TRIP4: variants seen among roughly 807,000 people sequenced by gnomAD.
TRIP4 encodes thyroid hormone receptor interactor 4.
In TRIP4, 54 loss-of-function variants were observed where a neutral mutation model predicts 81.8. The ratio of observed to expected loss-of-function variants is 0.66; its 90% CI spans 0.53 to 0.83. TRIP4 has a LOEUF of 0.83. Among genes scored for constraint, TRIP4 ranks in the 40% least tolerant of loss-of-function variants. TRIP4 has a pLI of 0.00. For missense variants in TRIP4, 662 were observed against 683.6 expected (o/e 0.97, Z 0.35); for synonymous variants, 270 against 242.8 (o/e 1.11, Z -1.04).
chr15:64,448,505 C>T (rs2140315682), intron 12 of TRIP4, among the ~76,000 whole-genome samples: 1 of 152,240 alleles, frequency 6.6e-6, no homozygotes, highest in Admixed American at 6.5e-5. Flanking sequence ...ACTCTGTTAT[C>T]CAGGTTGGAG....
chr15:64,431,560 G>T (rs889398236), intron 11 of TRIP4, among the ~76,000 whole-genome samples: 1 of 151,778 alleles, frequency 6.6e-6, no homozygotes, highest in African/African-American at 2.4e-5. Flanking sequence ...AAAAAAATTA[G>T]CTGGGTGTGG....
intron 12 of TRIP4, chr15:64,450,679 GAA>G (rs1456625064): frequency 2.2e-6 from 1 of 456,024 alleles, no homozygotes; most frequent in Admixed American, 2.3e-5. Flanking sequence ...CCTAGAGGAT[GAA>G]AGAACGTCTG....
chr15:64,451,660 A>T (rs1474015081), intron 12 of TRIP4, among the ~76,000 whole-genome samples: 1 of 148,406 alleles, frequency 6.7e-6, no homozygotes, highest in Non-Finnish European at 1.5e-5. Context: ...TTTTATTTTT[A>T]TTAATTTTTT....
chr15:64,422,148 T>C (rs779311160), intron 9 of TRIP4, among the ~76,000 whole-genome samples: 1 of 152,084 alleles, frequency 6.6e-6, no homozygotes, highest in African/African-American at 2.4e-5. Flanking sequence ...TCAGGACATA[T>C]CCCCATTGTT....
intron 7 of TRIP4, 47 bp from the exon 8 acceptor site, chr15:64,414,038 G>A: frequency 1.9e-6 from 3 of 1,603,084 alleles, no homozygotes; most frequent in Non-Finnish European, 2.6e-6. Flanking sequence ...AGCATTCTGA[G>A]CATAGAACAT....
chr15:64,392,806 G>T (rs1900173242), intron 1 of TRIP4, among the ~76,000 whole-genome samples: 1 of 151,968 alleles, frequency 6.6e-6, no homozygotes, highest in Non-Finnish European at 1.5e-5. Flanking sequence ...CTAGAGACAA[G>T]GTCTCCCTAT....
chr15:64,414,968 G>A (rs1891860708), intron 8 of TRIP4, among the ~76,000 whole-genome samples: 1 of 151,948 alleles, frequency 6.6e-6, no homozygotes, highest in African/African-American at 2.4e-5. Flanking sequence ...GTGGCGTGGT[G>A]CCTGTAGTCC....
At chr15:64,400,462 C>T (rs1891468608) in intron 4 of TRIP4, among the ~76,000 whole-genome samples, 1 of 133,122 alleles carries the variant, frequency 7.5e-6, no homozygotes, top group African/African-American at 2.6e-5. Context: ...TCATAAGCCA[C>T]TGTGCCCAGC....
chr15:64,411,685 G>GTTT (rs34551967), intron 7 of TRIP4, among the ~76,000 whole-genome samples: 6 of 147,210 alleles, frequency 4.1e-5, no homozygotes, highest in Non-Finnish European at 7.5e-5. Flanking sequence ...TGTGCATACT[G>GTTT]TTTTTTTTTT....
At chr15:64,404,860 ATTGT>A (rs1302504516) in intron 5 of TRIP4, among the ~76,000 whole-genome samples, 2 of 151,116 alleles carry the variant, frequency 1.3e-5, no homozygotes, top group East Asian at 2.0e-4. Context: ...TAATTTTTAA[ATTGT>A]TTGTACAGAT....
At chr15:64,452,709 T>A (rs1205550322) in intron 12 of TRIP4, among the ~76,000 whole-genome samples, 1 of 152,240 alleles carries the variant, frequency 6.6e-6, no homozygotes, top group African/African-American at 2.4e-5. Context: ...TGTATCAGAT[T>A]GCCTCAGGAA....
At chr15:64,422,559 C>T (rs1892042632) in intron 9 of TRIP4, among the ~76,000 whole-genome samples, 1 of 152,172 alleles carries the variant, frequency 6.6e-6, no homozygotes, top group Admixed American at 6.6e-5. Context: ...CGCTTCTGCT[C>T]CAGGATGATC....
chr15:64,410,783 G>GT (rs1275942549), intron 7 of TRIP4, among the ~76,000 whole-genome samples: 1 of 152,028 alleles, frequency 6.6e-6, no homozygotes, highest in African/African-American at 2.4e-5. Flanking sequence ...ATTTTAAGTG[G>GT]TTTTAACAGT....
At chr15:64,447,841 A>G (rs898056702) in intron 12 of TRIP4, among the ~76,000 whole-genome samples, 1 of 152,192 alleles carries the variant, frequency 6.6e-6, no homozygotes, top group Non-Finnish European at 1.5e-5. Context: ...CCCCCAAAGT[A>G]GCTGGGACTA....
chr15:64,407,321 C>T (rs762603906), intron 6 of TRIP4, among the ~76,000 whole-genome samples: 1 of 152,188 alleles, frequency 6.6e-6, no homozygotes, highest in African/African-American at 2.4e-5. Context: ...CATATTCACT[C>T]TTCATCCTTT....
intron 11 of TRIP4, among the ~76,000 whole-genome samples, chr15:64,428,636 TCTCA>T (rs1892202335): frequency 6.6e-6 from 1 of 152,064 alleles, no homozygotes; most frequent in Admixed American, 6.6e-5. Flanking sequence ...TGAGACGGAG[TCTCA>T]CTCTGTTGCC....
intron 9 of TRIP4, among the ~76,000 whole-genome samples, chr15:64,421,248 C>T (rs772551949): frequency 8.6e-5 from 13 of 150,542 alleles, no homozygotes; most frequent in Non-Finnish European, 1.8e-4. Flanking sequence ...CATCATTGCA[C>T]TCCAGCCTGG....
chr15:64,429,143 C>T (rs1323942687), intron 11 of TRIP4, among the ~76,000 whole-genome samples: 2 of 151,480 alleles, frequency 1.3e-5, no homozygotes, highest in African/African-American at 2.4e-5. Flanking sequence ...GGTGAAACCC[C>T]GTCTCTACTA....
chr15:64,423,527 G>A lies in TRIP4; in HGVS notation c.1359-504G>A, dbSNP rs151002576. On this transcript the variant is annotated intron_variant, in intron 9 of 12. Coordinates refer to ENST00000261884, the MANE Select transcript of TRIP4 (RefSeq NM_016213.5). ...TTCTAATTGAAGAGTAAAGATAAGC[G>A]TTTTTATTTACTTAAATTATTTTAA... 4.9e-3 allele frequency among the ~76,000 whole-genome samples: 714 copies of A among 147,002 alleles called. 1 individual carries two copies. Among genetic ancestry groups the A allele is most frequent in the Middle Eastern group, 0.025 (7 of 278 alleles).
Sources: allele counts gnomAD v4.1 joint callset (sites outside exome capture counted in the v4.1 genomes callset), GRCh38; gene constraint gnomAD v4.1.1; transcripts MANE v1.5; gene names NCBI Gene and HGNC (gene_info 2026-07-23, HGNC 2026-07-21).